The following CLGN variants were observed in gnomAD, a reference collection of about 807,000 sequenced individuals.
CLGN encodes testis tissue sperm-binding protein Li 79P.
CLGN carries 62 observed loss-of-function variants against 79.1 expected under a neutral mutation model. That is an observed-to-expected ratio of 0.78 (90% CI 0.64 to 0.97). The LOEUF (loss-of-function observed/expected upper bound fraction) is 0.97, where lower values mean the gene tolerates loss of function less well. Ranked by LOEUF, CLGN falls within the 50% of genes least tolerant of loss-of-function variation. The pLI is 0.00. For missense variants in CLGN, 647 were observed against 715.5 expected (o/e 0.90, Z 1.09); for synonymous variants, 225 against 224.7 (o/e 1.00, Z -0.01).
chr4:140,414,033 A>T (rs1479149009), intron 1 of CLGN, among the ~76,000 whole-genome samples: 3 of 152,234 alleles, frequency 2.0e-5, no homozygotes, highest in African/African-American at 7.2e-5. Flanking sequence ...CTGCCTCCTC[A>T]AGTGGGTCCC....
In CLGN at chr4:140,395,822, A is replaced by T. The variant is rs762735419; in HGVS notation, c.1146T>A (p.Tyr382Ter). The T allele has an allele frequency of 3.4e-6, 5 of 1,475,388 alleles. No individual in the cohort carries two copies. Among genetic ancestry groups the T allele is most frequent in the Admixed American group, 2.5e-5 (1 of 39,424 alleles). 91.4% of individuals were successfully genotyped at this position (1,475,388 alleles called of 1,614,324 possible). Residue 382 changes from tyrosine to a stop codon, truncating the protein, a stop_gained, in exon 10 of 15, where the codon TAT becomes TAA. Coordinates refer to ENST00000325617, the MANE Select transcript of CLGN (RefSeq NM_004362.3). LOFTEE classifies it high-confidence loss of function. ...AATTGGAACAAGCGGTTGTTACCTG[A>T]TAGTTAGGATTATCGACCAGTGGAG... Reference protein sequence around the residue: ...WRPPLVDNPNYQGIWSPRKIP... With the variant: ...WRPPLVDNPN
intron 5 of CLGN, among the ~76,000 whole-genome samples, chr4:140,402,748 A>G (rs1197112916): frequency 6.6e-6 from 1 of 152,150 alleles, no homozygotes; most frequent in Non-Finnish European, 1.5e-5. Flanking sequence ...TTAAAAGGAA[A>G]TAGCCTTGCT....
chr4:140,411,614 T>G (rs1729212389), intron 2 of CLGN, among the ~76,000 whole-genome samples: 1 of 152,026 alleles, frequency 6.6e-6, no homozygotes, highest in Non-Finnish European at 1.5e-5. Flanking sequence ...AAATACTTTT[T>G]CTATTTTCAC....
intron 1 of CLGN, among the ~76,000 whole-genome samples, chr4:140,427,103 A>C (rs11945012): frequency 0.91 from 138,047 of 151,996 alleles, 63,074 homozygotes; most frequent in East Asian, 0.99. Flanking sequence ...CTCTACAACC[A>C]TTGGGAGAGC....
At chr4:140,401,825 T>A in intron 6 of CLGN, among the ~76,000 whole-genome samples, 160 bp downstream of exon 6, 1 of 152,108 alleles carries the variant, frequency 6.6e-6, no homozygotes, top group Non-Finnish European at 1.5e-5. Flanking sequence ...TATATAAAAC[T>A]TGAAGGCGAA....
chr4:140,410,583 G>T lies in CLGN; in HGVS notation c.188C>A (p.Ala63Glu), dbSNP rs776031995. 4 of 1,603,366 alleles carry T rather than the reference G, an allele frequency of 2.5e-6. No individual in the cohort carries two copies. The highest frequency in any genetic ancestry group is 3.3e-4 in the Middle Eastern group (2 of 6,032). The change falls in exon 3 of 15, where the codon GCA becomes GAA. Residue 63 changes from alanine (A) to glutamate (E), a missense_variant. By Grantham distance (107) the Ala-to-Glu change is moderately radical. Coordinates refer to ENST00000325617, the MANE Select transcript of CLGN (RefSeq NM_004362.3). ...CAACCTTCCACTATCAAAAGTTTCT[G>T]CAAAATATACTTCTCCTATAGGTTG... ...TPQPIGEVYFAETFDSGRLAG... is the reference protein window; with the variant it reads ...TPQPIGEVYFEETFDSGRLAG...
chr4:140,403,722 C>T (rs1729040306), intron 5 of CLGN, among the ~76,000 whole-genome samples: 2 of 152,192 alleles, frequency 1.3e-5, no homozygotes, highest in Admixed American at 6.5e-5. Flanking sequence ...ATTCAATCAC[C>T]TTGTCCATTT....
At chr4:140,411,993 T>G (rs1342074597) in intron 2 of CLGN, among the ~76,000 whole-genome samples, 2 of 152,146 alleles carry the variant, frequency 1.3e-5, no homozygotes, top group Non-Finnish European at 2.9e-5. Context: ...GAGTGGTAGT[T>G]ACCTGTCAAT....
chr4:140,424,210 G>C (rs891503264), intron 1 of CLGN, among the ~76,000 whole-genome samples: 6 of 151,976 alleles, frequency 3.9e-5, no homozygotes, highest in African/African-American at 1.5e-4. Flanking sequence ...GGTATCTTTT[G>C]TTCTCCTTTT....
intron 2 of CLGN, among the ~76,000 whole-genome samples, chr4:140,411,483 G>A (rs1256273607): frequency 1.3e-5 from 2 of 152,068 alleles, no homozygotes; most frequent in Non-Finnish European, 2.9e-5. Context: ...AAAGTAATAG[G>A]TTAGTCTGGA....
At chr4:140,410,711 T>A in intron 2 of CLGN, 85 bp from the exon 3 acceptor site, 1 of 826,858 alleles carries the variant, frequency 1.2e-6, no homozygotes, top group East Asian at 2.6e-5. Context: ...GAACATAGTA[T>A]GTAATGCACA....
chr4:140,396,359 G>C (rs192226127), intron 8 of CLGN, among the ~76,000 whole-genome samples, 154 bp from the exon 9 acceptor site: 11 of 152,086 alleles, frequency 7.2e-5, no homozygotes, highest in Admixed American at 3.9e-4. Flanking sequence ...TTGCTAACTT[G>C]CCAATTTTTG....
At chr4:140,419,057 C>T (rs1486580684) in intron 1 of CLGN, among the ~76,000 whole-genome samples, 1 of 152,054 alleles carries the variant, frequency 6.6e-6, no homozygotes, top group Non-Finnish European at 1.5e-5. Flanking sequence ...TTTGTAGGGA[C>T]ATGGATGAAA....
rs1293739943 is a variant in CLGN, at chr4:140,392,567, G to C, written c.1491+19C>G. On this transcript the variant is annotated intron_variant, in intron 12 of 14. Transcript: ENST00000325617. ...AGAAATTTGGGTGAAAAAAGTTGAA[G>C]GAAATCCATTTTCTTTACCTTTACT... 6.4e-7 allele frequency: 1 copy of C among 1,574,650 alleles called. No individual in the cohort carries two copies. The highest frequency in any genetic ancestry group is 2.0e-5 in the Admixed American group (1 of 49,690).
chr4:140,398,769 C>T, intron 8 of CLGN, 82 bp downstream of exon 8: 1 of 1,206,952 alleles, frequency 8.3e-7, no homozygotes, highest in Non-Finnish European at 1.2e-6. Context: ...AAATAAACTT[C>T]ATGGGTTGTA....
intron 14 of CLGN, 121 bp downstream of exon 14, chr4:140,390,507 G>T (rs1288511756): frequency 3.8e-6 from 2 of 531,366 alleles, no homozygotes; most frequent in Non-Finnish European, 3.3e-6. Flanking sequence ...CAATATAGAG[G>T]CTCTTATAAA....
At chr4:140,405,191 A>ATTTTTTTTTTTTTTTTTTTTTTTTTTTT (rs35471612) in intron 5 of CLGN, among the ~76,000 whole-genome samples, 1 of 129,064 alleles carries the variant, frequency 7.7e-6, no homozygotes, top group African/African-American at 3.0e-5. Context: ...TTTTTTTTTT[A>ATTTTTTTTTTTTTTTTTTTTTTTTTTTT]TTTTTTTTTT....
At position 140,402,011 on chromosome 4, in the gene CLGN, G is replaced by T; in HGVS notation, c.475C>A (p.Leu159Ile). 1 of 1,577,564 alleles carries T rather than the reference G, an allele frequency of 6.3e-7. No homozygotes were observed. The highest frequency in any genetic ancestry group is 8.6e-7 in the Non-Finnish European group (1 of 1,158,622). Residue 159 changes from leucine (L) to isoleucine (I), a missense_variant, in exon 6 of 15, where the codon CTA (leucine) becomes ATA (isoleucine). Transcript: ENST00000325617. ...IDCGGAYIKL[L>I]ADTDDLILEN... is the part of the protein sequence containing the mutation. ...AGAATCAAATCATCAGTGTCTGCTA[G>T]GAGTTTAATGTATGCACCTCCACAA... is the stretch of plus-strand genomic sequence containing the variant.
intron 4 of CLGN, among the ~76,000 whole-genome samples, chr4:140,409,461 T>C (rs1287621237): frequency 6.6e-6 from 1 of 152,062 alleles, no homozygotes; most frequent in Non-Finnish European, 1.5e-5. Flanking sequence ...TGCTTTTTAC[T>C]TGCTAGGAGA....
Sources: gnomAD v4.1 joint callset for allele counts (sites outside exome capture counted in the v4.1 genomes callset) on GRCh38, gnomAD v4.1.1 for gene constraint, MANE v1.5 for transcripts, NCBI Gene and HGNC (gene_info 2026-07-23, HGNC 2026-07-21) for gene names.